NDUFA5: variants seen among roughly 807,000 people sequenced by gnomAD.
The protein encoded by NDUFA5 is NADH dehydrogenase [ubiquinone] 1 alpha subcomplex subunit 5.
A neutral mutation model predicts 19.8 loss-of-function variants in NDUFA5; 11 were observed. That is an observed-to-expected ratio of 0.56 (90% CI 0.35 to 0.92). NDUFA5 has a LOEUF of 0.92. Ranked by LOEUF, NDUFA5 falls within the 40% of genes least tolerant of loss-of-function variation. The pLI, the probability that NDUFA5 is intolerant of heterozygous loss-of-function variation, is 0.01. For synonymous variants in NDUFA5, 47 were observed against 46.8 expected, an observed-to-expected ratio of 1.00 and a Z score of -0.01; for missense variants, 109 against 134.2, an observed-to-expected ratio of 0.81 and a Z score of 0.93.
intron 2 of NDUFA5, chr7:123,556,395 CTA>C (rs1798540350): frequency 6.4e-6 from 1 of 155,730 alleles, no homozygotes; most frequent in African/African-American, 2.4e-5. Context: ...AAACCGTTCT[CTA>C]TTTGGATTTG....
the NDUFA5 span, among the ~76,000 whole-genome samples, chr7:123,574,196 T>TC: frequency 1.3e-5 from 2 of 151,838 alleles, no homozygotes; most frequent in African/African-American, 2.4e-5. Context: ...AGGTTCCATC[T>TC]CCTTTTTTTT....
intron 2 of NDUFA5, chr7:123,557,150 A>T (rs749263791): frequency 7.4e-6 from 5 of 674,454 alleles, no homozygotes; most frequent in East Asian, 2.9e-5. Context: ...AAGCAAGCAC[A>T]AGTGAAGCCA....
Position 123,544,012 on chromosome 7 carries a change from T to C in NDUFA5, c.249+1599A>G, listed in dbSNP as rs1273861685. Among the ~76,000 whole-genome samples, 8 of 152,312 alleles carry C rather than the reference T, an allele frequency of 5.3e-5. No homozygotes were observed. In the East Asian group the frequency reaches 1.5e-3, roughly 29 times the overall value. ...TATACCTCCCTAATCTCCAATATTA[T>C]CCAATATTTCCTTTTATCTGTCCTT... On this transcript the variant is annotated intron_variant, in intron 4 of 4. Coordinates refer to ENST00000355749, the MANE Select transcript of NDUFA5 (RefSeq NM_005000.5).
At chr7:123,599,242 A>G in the NDUFA5 span, among the ~76,000 whole-genome samples, 2 of 151,564 alleles carry the variant, frequency 1.3e-5, no homozygotes, top group African/African-American at 2.4e-5. Flanking sequence ...CTTAAAAACA[A>G]CAACAAAAAA....
the NDUFA5 span, among the ~76,000 whole-genome samples, chr7:123,570,222 G>C: frequency 6.6e-6 from 1 of 151,804 alleles, no homozygotes; most frequent in Non-Finnish European, 1.5e-5. Flanking sequence ...TTTTTTAGTA[G>C]AGACGGGGTT....
At chr7:123,562,046 G>T (rs1424217637), upstream of NDUFA5, among the ~76,000 whole-genome samples, 1 of 152,070 alleles carries the variant, frequency 6.6e-6, no homozygotes, top group Admixed American at 6.6e-5. Flanking sequence ...ACTTGAAAGT[G>T]GACATTACTC....
the NDUFA5 span, among the ~76,000 whole-genome samples, chr7:123,578,603 C>A: frequency 6.6e-6 from 1 of 151,926 alleles, no homozygotes; most frequent in East Asian, 1.9e-4. Context: ...TTATGGAGAC[C>A]TTTGCCAATT....
chr7:123,577,189 A>G, the NDUFA5 span, among the ~76,000 whole-genome samples: 1 of 152,174 alleles, frequency 6.6e-6, no homozygotes, highest in Non-Finnish European at 1.5e-5. Flanking sequence ...AAGGTTTACT[A>G]TATCATTGAT....
chr7:123,552,336 G>A (rs568732689), intron 2 of NDUFA5, among the ~76,000 whole-genome samples: 15 of 152,164 alleles, frequency 9.9e-5, no homozygotes, highest in African/African-American at 3.6e-4. Flanking sequence ...ATCCTTTGCA[G>A]GGAAATGGAT....
chr7:123,557,674 G>A (rs1798614032), intron 1 of NDUFA5, 101 bp downstream of exon 1: 6 of 1,613,908 alleles, frequency 3.7e-6, no homozygotes, highest in East Asian at 2.2e-5. Context: ...AAGCACCGCC[G>A]AGCCCGCGAC....
At chr7:123,565,153 G>A in the NDUFA5 span, among the ~76,000 whole-genome samples, 5 of 152,136 alleles carry the variant, frequency 3.3e-5, no homozygotes, top group Admixed American at 6.5e-5. Flanking sequence ...AAGAGTAAGA[G>A]CACTGATAAT....
chr7:123,583,770 A>G, the NDUFA5 span, among the ~76,000 whole-genome samples: 1 of 151,924 alleles, frequency 6.6e-6, no homozygotes. Context: ...TCTTCATAAT[A>G]TACTGAGAAG....
chr7:123,559,243 T>C (rs1798653422), upstream of NDUFA5, among the ~76,000 whole-genome samples: 1 of 150,146 alleles, frequency 6.7e-6, no homozygotes. Context: ...ACAAACTACC[T>C]AAATCAACTC....
the NDUFA5 span, among the ~76,000 whole-genome samples, chr7:123,600,359 G>A: frequency 2.6e-5 from 4 of 151,954 alleles, no homozygotes; most frequent in East Asian, 5.8e-4. Flanking sequence ...TTATATAAAC[G>A]GATAAAACAG....
chr7:123,597,991 C>G, the NDUFA5 span, among the ~76,000 whole-genome samples: 1 of 148,612 alleles, frequency 6.7e-6, no homozygotes, highest in African/African-American at 2.5e-5. Context: ...CCTCCACAGC[C>G]TTCTTAGGTC....
the NDUFA5 span, among the ~76,000 whole-genome samples, chr7:123,588,198 T>A: frequency 6.6e-6 from 1 of 151,784 alleles, no homozygotes; most frequent in Admixed American, 6.6e-5. Context: ...ATTACTGATT[T>A]AATTTCCTTT....
chr7:123,554,562 T>G (rs1283568065), intron 2 of NDUFA5: 1 of 150,712 alleles, frequency 6.6e-6, no homozygotes, highest in Non-Finnish European at 1.5e-5. Flanking sequence ...CTCTATCCTT[T>G]CTTCATCACA....
intron 3 of NDUFA5, among the ~76,000 whole-genome samples, chr7:123,549,418 T>G (rs1345123522): frequency 1.3e-5 from 2 of 151,846 alleles, no homozygotes; most frequent in African/African-American, 4.8e-5. Context: ...AAGCATACAG[T>G]TTTTTTTATT....
chr7:123,578,454 C>T, the NDUFA5 span, among the ~76,000 whole-genome samples: 1 of 151,932 alleles, frequency 6.6e-6, no homozygotes, highest in Non-Finnish European at 1.5e-5. Flanking sequence ...CCTCCTTCTA[C>T]TTATTTTTCT....
Sources: allele counts gnomAD v4.1 joint callset (sites outside exome capture counted in the v4.1 genomes callset), GRCh38; gene constraint gnomAD v4.1.1; transcripts MANE v1.5; gene names NCBI Gene and HGNC (gene_info 2026-07-23, HGNC 2026-07-21).